SRCIN1: variants seen among roughly 807,000 people sequenced by gnomAD.
The protein encoded by SRCIN1 is P130Cas-associated protein.
In SRCIN1, 50 loss-of-function variants were observed where a neutral mutation model predicts 116.2. The observed-to-expected ratio is 0.43, with a 90% CI of 0.34 to 0.54. SRCIN1 has a LOEUF of 0.54. SRCIN1 is among the 20% of genes least tolerant of loss of function. The pLI, the probability that SRCIN1 is intolerant of heterozygous loss-of-function variation, is 0.02. For missense variants in SRCIN1, 1,446 were observed against 1,672.0 expected (o/e 0.86, Z 2.36); for synonymous variants, 736 against 750.0 (o/e 0.98, Z 0.30).
intron 1 of SRCIN1, among the ~76,000 whole-genome samples, chr17:38,583,548 GTTTTTTTT>G (rs10691272): frequency 9.6e-6 from 1 of 104,294 alleles, no homozygotes; most frequent in East Asian, 2.6e-4. Context: ...TTCATTTTCT[GTTTTTTTT>G]TTTTTTTTTT....
chr17:38,580,873 G>A (rs1567877281), intron 1 of SRCIN1, among the ~76,000 whole-genome samples: 1 of 152,038 alleles, frequency 6.6e-6, no homozygotes, highest in Non-Finnish European at 1.5e-5. Context: ...TCTTGCTCTG[G>A]CACTCAGCTT....
chr17:38,551,953 C>A lies in SRCIN1; in HGVS notation c.2660G>T (p.Gly887Val), dbSNP rs771867107. 9.9e-6 allele frequency: 16 copies of A among 1,614,048 alleles called. No homozygotes were observed. Among genetic ancestry groups the A allele is most frequent in the Admixed American group, 1.7e-5 (1 of 60,032 alleles). The change falls in exon 14 of 19, where the codon GGG becomes GTG. Residue 887 changes from glycine to valine, a missense_variant. Transcript: ENST00000617146. ...GTCCAGGCCTTTGGTGGGGTTGCCC[C>A]CCTTGGGGGTAAGAGAGGCTCCTTC... The part of the protein sequence containing the change: ...PAEGASLTPK[G>V]GNPTKGLDTP...
chr17:38,536,876 C>T (rs949975819), intron 18 of SRCIN1, among the ~76,000 whole-genome samples: 1 of 152,218 alleles, frequency 6.6e-6, no homozygotes, highest in African/African-American at 2.4e-5. Context: ...GGGAAAGATT[C>T]TCCAGCTTCT....
Position 38,604,004 on chromosome 17 carries a change from C to A in SRCIN1, c.22+1680G>T, listed in dbSNP as rs1327861960. Among the ~76,000 whole-genome samples the A allele has an allele frequency of 1.3e-5, 2 of 152,170 alleles. No homozygotes were observed. The highest frequency in any genetic ancestry group is 4.8e-5 in the African/African-American group (2 of 41,438). ...ATACAACCACACCAGAAACCACCAC[C>A]ATCACAGCTGCCACCAGTGGCGACA... On this transcript the variant is annotated intron_variant, in intron 1 of 18. Coordinates refer to ENST00000617146, the MANE Select transcript of SRCIN1 (RefSeq NM_025248.3). The surrounding 1 kb of genome is among the most constrained non-coding windows in gnomAD (Gnocchi z 4.3).
Position 38,544,176 on chromosome 17 carries a change from T to C in SRCIN1, c.3271-207A>G, listed in dbSNP as rs772832450. Among the ~76,000 whole-genome samples the C allele has an allele frequency of 6.6e-6, 1 of 151,812 alleles. No individual in the cohort carries two copies. Among genetic ancestry groups the C allele is most frequent in the Non-Finnish European group, 1.5e-5 (1 of 67,940 alleles). On this transcript the variant is annotated intron_variant, in intron 17 of 18. Transcript: ENST00000617146. This position sits in a 1 kb window ranked among gnomAD's most constrained non-coding sequence, Gnocchi z 4.5. ...TTATGGTCTCCCTGCAGGAGAGGGG[T>C]GGGGCCCAAGCCAGTTTCCCAACGG...
At chr17:38,538,033 G>C (rs1904498974) in intron 18 of SRCIN1, among the ~76,000 whole-genome samples, 1 of 151,912 alleles carries the variant, frequency 6.6e-6, no homozygotes, top group Non-Finnish European at 1.5e-5. Context: ...CCAGGAGGCA[G>C]AGGTTGCAGT....
rs576688719 is a variant in SRCIN1 at position 38,596,670 on chromosome 17, C to T, written c.22+9014G>A. 1.3e-4 allele frequency among the ~76,000 whole-genome samples: 20 copies of T among 152,186 alleles called. No homozygotes were observed. In the South Asian group the frequency reaches 3.7e-3, roughly 28 times the overall value. ...TGGTGACAACCCTCTCCCCAGCCTA[C>T]GAGACCCCCATCTGCTCCACTCCCC... On this transcript the variant is annotated intron_variant, in intron 1 of 18. Transcript: ENST00000617146.
intron 1 of SRCIN1, among the ~76,000 whole-genome samples, chr17:38,600,220 C>G (rs1908945816): frequency 6.6e-6 from 1 of 152,182 alleles, no homozygotes; most frequent in Non-Finnish European, 1.5e-5. Context: ...GACTCAGTGG[C>G]CTACATGATC....
At chr17:38,539,924 A>G (rs1005827062) in intron 18 of SRCIN1, among the ~76,000 whole-genome samples, 197 of 150,832 alleles carry the variant, frequency 1.3e-3, no homozygotes, top group African/African-American at 4.7e-3. Flanking sequence ...AGGAGGCTGA[A>G]GCAGGAGAAT....
chr17:38,598,442 C>T (rs967309708), intron 1 of SRCIN1, among the ~76,000 whole-genome samples: 1 of 152,112 alleles, frequency 6.6e-6, no homozygotes, highest in Middle Eastern at 3.2e-3. Flanking sequence ...ACGTCCCCCC[C>T]GCAATCTCCC....
intron 1 of SRCIN1, among the ~76,000 whole-genome samples, chr17:38,593,418 G>A (rs977773045): frequency 9.2e-5 from 14 of 152,086 alleles, no homozygotes; most frequent in Admixed American, 2.6e-4. Context: ...GGGGCACGAG[G>A]GAATGGGGCA....
chr17:38,568,340 A>C lies in SRCIN1; in HGVS notation c.325-109T>G. The C allele has an allele frequency of 9.4e-7, 1 of 1,064,716 alleles. No homozygotes were observed. Among genetic ancestry groups the C allele is most frequent in the South Asian group, 1.3e-5 (1 of 74,560 alleles). The allele number at this position is 1,064,716 out of a possible 1,614,324, so 66.0% of individuals were successfully genotyped here. ...GAACTCAGCACTCAGCCCTAGGACA[A>C]GGGCCCTCCACCCTCCCAGGAGCAG... is the stretch of plus-strand genomic sequence containing the variant. On this transcript the variant is annotated intron_variant, in intron 2 of 18. Coordinates refer to ENST00000617146, the MANE Select transcript of SRCIN1 (RefSeq NM_025248.3). The surrounding 1 kb of genome is among the most constrained non-coding windows in gnomAD (Gnocchi z 4.5).
At chr17:38,553,039 G>A (rs926514546) in intron 11 of SRCIN1, among the ~76,000 whole-genome samples, 184 bp from the exon 12 acceptor site, 1 of 152,204 alleles carries the variant, frequency 6.6e-6, no homozygotes, top group African/African-American at 2.4e-5. Context: ...CGGATCACTT[G>A]AGCCCAGGAG....
rs1212755714 is a variant in SRCIN1, at chr17:38,572,256, C to T, written c.325-4025G>A. 6.6e-6 allele frequency among the ~76,000 whole-genome samples: 1 copy of T among 152,138 alleles called. No homozygotes were observed. The highest frequency in any genetic ancestry group is 1.5e-5 in the Non-Finnish European group (1 of 68,004). On this transcript the variant is annotated intron_variant, in intron 2 of 18. Coordinates refer to ENST00000617146, the MANE Select transcript of SRCIN1 (RefSeq NM_025248.3). This position sits in a 1 kb window ranked among gnomAD's most constrained non-coding sequence, Gnocchi z 4.3. ...CCCCGGGCTGGGGCTAAGCCACTCG[C>T]CCCTCCTCGGGCGCCTGCCCCCACC...
chr17:38,544,117 G>T lies in SRCIN1; in HGVS notation c.3271-148C>A. ...GACCCCTCTCTAGCTCCACACCCGA[G>T]TCCAGAACCCAGGTCCACCCTCTCA... On this transcript the variant is annotated intron_variant, in intron 17 of 18. Transcript: ENST00000617146. This position sits in a 1 kb window ranked among gnomAD's most constrained non-coding sequence, Gnocchi z 4.5. 1.0e-6 allele frequency: 1 copy of T among 983,838 alleles called. No homozygotes were observed. Among genetic ancestry groups the T allele is most frequent in the Non-Finnish European group, 1.4e-6 (1 of 691,584 alleles). The allele number at this position is 983,838 out of a possible 1,614,324, so 60.9% of individuals were successfully genotyped here. A position where few individuals can be genotyped will look rare whatever the true frequency, so the allele number is the denominator to read the frequency against.
Position 38,547,335 on chromosome 17 carries a change from G to A in SRCIN1, c.3270+1222C>T, listed in dbSNP as rs78700401. On this transcript the variant is annotated intron_variant, in intron 17 of 18. Coordinates refer to ENST00000617146, the MANE Select transcript of SRCIN1 (RefSeq NM_025248.3). ...AAGATGGAGGTGGGGGCTAGGCAAG[G>A]GCTCAGGACAAGGTCAGATTTTGAG... is the stretch of plus-strand genomic sequence containing the variant. 7.2e-3 allele frequency among the ~76,000 whole-genome samples: 1,092 copies of A among 152,196 alleles called. 13 individuals carry two copies. Among genetic ancestry groups the A allele is most frequent in the African/African-American group, 0.025 (1,058 of 41,524 alleles).
At chr17:38,541,809 C>T (rs954637571) in intron 18 of SRCIN1, 2 of 152,258 alleles carry the variant, frequency 1.3e-5, no homozygotes, top group African/African-American at 4.8e-5. Flanking sequence ...AAAAATTAGC[C>T]AGTGTGGTAA....
chr17:38,541,200 T>A (rs541969785), intron 18 of SRCIN1: 45 of 151,184 alleles, frequency 3.0e-4, no homozygotes, highest in African/African-American at 1.0e-3. Context: ...GATCGCACCA[T>A]TGCACTCCAG....
In SRCIN1 at chr17:38,531,772, G is replaced by T. The variant is rs1383615349; in HGVS notation, c.*1525C>A. 2.6e-5 allele frequency: 4 copies of T among 152,538 alleles called. No homozygotes were observed. Among genetic ancestry groups the T allele is most frequent in the Non-Finnish European group, 5.9e-5 (4 of 68,026 alleles). 9.4% of individuals were successfully genotyped at this position (152,538 alleles called of 1,614,324 possible). ...CTTCAACAGCTCCCAGCTCTCCCCA[G>T]GTGCGGACCTTCCCCAGCCAGGCCC... On this transcript the variant is annotated 3_prime_UTR_variant, in exon 19 of 19. Coordinates refer to ENST00000617146, the MANE Select transcript of SRCIN1 (RefSeq NM_025248.3).
Sources: gnomAD v4.1 joint callset for allele counts (sites outside exome capture counted in the v4.1 genomes callset) on GRCh38, gnomAD v4.1.1 for gene constraint, Gnocchi (gnomAD v3.1) non-coding constraint, MANE v1.5 for transcripts, NCBI Gene and HGNC (gene_info 2026-07-23, HGNC 2026-07-21) for gene names.